The following PCDHGA8 variants were observed in gnomAD, a reference collection of about 807,000 sequenced individuals.
PCDHGA8 encodes protocadherin gamma subfamily A, 8.
PCDHGA8 carries 45 observed loss-of-function variants against 59.2 expected under a neutral mutation model. The observed-to-expected ratio is 0.76, with a 90% confidence interval of 0.60 to 0.98. PCDHGA8 has a LOEUF of 0.98. Among genes scored for constraint, PCDHGA8 ranks in the 50% least tolerant of loss-of-function variants. PCDHGA8 has a pLI of 0.00. For missense variants in PCDHGA8, 1,257 were observed against 1,196.2 expected (o/e 1.05, Z -0.75); for synonymous variants, 531 against 519.0 (o/e 1.02, Z -0.32).
At position 141,477,855 on chromosome 5, in the gene PCDHGA8, T is replaced by C; in HGVS notation, c.2425-16952T>C. The C allele has an allele frequency of 1.2e-6, 2 of 1,613,698 alleles. No individual in the cohort carries two copies. The highest frequency in any genetic ancestry group is 1.7e-6 in the Non-Finnish European group (2 of 1,179,882). On this transcript the variant is annotated intron_variant, in intron 1 of 3. Coordinates refer to ENST00000398604, the MANE Select transcript of PCDHGA8 (RefSeq NM_032088.2). The surrounding 1 kb of genome is among the most constrained non-coding windows in gnomAD (Gnocchi z 4.9). ...CCAGGTGGGAGCTCGGTGGAGATGC[T>C]GCCTCGAGGTACCTCAGCTGGCCAC...
chr5:141,478,589 T>C, intron 1 of PCDHGA8: 2 of 1,573,336 alleles, frequency 1.3e-6, no homozygotes, highest in Non-Finnish European at 1.7e-6. Context: ...AGTGCTTTTT[T>C]ATTCCTACAT....
chr5:141,414,000 A>C (rs759228883), intron 1 of PCDHGA8: 20 of 1,613,400 alleles, frequency 1.2e-5, no homozygotes, highest in Non-Finnish European at 1.6e-5. Flanking sequence ...ACAGGGACGA[A>C]GGTGCCAATG....
In PCDHGA8 at chr5:141,476,584, C is replaced by A; in HGVS notation, c.2425-18223C>A. ...TGGCTCCGGGGACGCGCTTTCCGCTCGAGAGCGCGCACGATCCCGATGTGG... is the reference window on the plus strand; with the variant it reads ...TGGCTCCGGGGACGCGCTTTCCGCTAGAGAGCGCGCACGATCCCGATGTGG... On this transcript the variant is annotated intron_variant, in intron 1 of 3. Coordinates refer to ENST00000398604, the MANE Select transcript of PCDHGA8 (RefSeq NM_032088.2). This position sits in a 1 kb window ranked among gnomAD's most constrained non-coding sequence, Gnocchi z 7.6. The A allele has an allele frequency of 6.2e-7, 1 of 1,614,216 alleles. No homozygotes were observed. The highest frequency in any genetic ancestry group is 8.5e-7 in the Non-Finnish European group (1 of 1,180,042).
chr5:141,486,083 C>T lies in PCDHGA8; in HGVS notation c.2425-8724C>T, dbSNP rs367657659. On this transcript the variant is annotated intron_variant, in intron 1 of 3. Coordinates refer to ENST00000398604, the MANE Select transcript of PCDHGA8 (RefSeq NM_032088.2). This position sits in a 1 kb window ranked among gnomAD's most constrained non-coding sequence, Gnocchi z 5.0. ...GCACCCCACTACTGGAAAGCTTACTCTTTTGGGGCCCCTAGACTTTGAGAG... is the reference window on the plus strand; with the variant it reads ...GCACCCCACTACTGGAAAGCTTACTTTTTTGGGGCCCCTAGACTTTGAGAG... The T allele has an allele frequency of 1.2e-6, 2 of 1,614,062 alleles. No individual in the cohort carries two copies. Among genetic ancestry groups the T allele is most frequent in the Non-Finnish European group, 1.7e-6 (2 of 1,180,040 alleles).
At chr5:141,404,233 AG>A (rs2094501302) in intron 1 of PCDHGA8, 1 of 1,613,628 alleles carries the variant, frequency 6.2e-7, no homozygotes, top group African/African-American at 1.3e-5. Flanking sequence ...CAACAGACAG[AG>A]GAACTCCGCC....
intron 1 of PCDHGA8, chr5:141,421,118 T>A (rs572827470): frequency 1.3e-6 from 1 of 771,946 alleles, no homozygotes; most frequent in South Asian, 1.9e-5. Flanking sequence ...GTATTTTCCT[T>A]CGCTTTCTGA....
chr5:141,431,724 T>G lies in PCDHGA8; in HGVS notation c.2424+36487T>G, dbSNP rs758754345. On this transcript the variant is annotated intron_variant, in intron 1 of 3. Transcript: ENST00000398604. The surrounding 1 kb of genome is among the most constrained non-coding windows in gnomAD (Gnocchi z 4.8). ...TTCTACCAGATGGAAGTGCAAGCAA[T>G]GGATAATGCAGGATATTCTGCGCGA... 1 of 1,614,036 alleles carries G rather than the reference T, an allele frequency of 6.2e-7. No individual in the cohort carries two copies. Among genetic ancestry groups the G allele is most frequent in the Non-Finnish European group, 8.5e-7 (1 of 1,180,036 alleles).
In PCDHGA8 at chr5:141,501,176, T is replaced by C. The variant is rs917315609; in HGVS notation, c.2484-4217T>C. ...GCCACCATCCCCAGCCTCATTTACA[T>C]TTTAACACAATTAAATTCAGGGTGT... On this transcript the variant is annotated intron_variant, in intron 2 of 3. Coordinates refer to ENST00000398604, the MANE Select transcript of PCDHGA8 (RefSeq NM_032088.2). Among the ~76,000 whole-genome samples, 16 of 152,244 alleles carry C rather than the reference T, an allele frequency of 1.1e-4. No homozygotes were observed. In the South Asian group the frequency reaches 3.3e-3, roughly 32 times the overall value.
chr5:141,438,337 T>C (rs935624931), intron 1 of PCDHGA8, among the ~76,000 whole-genome samples: 25 of 151,926 alleles, frequency 1.6e-4, no homozygotes, highest in Non-Finnish European at 1.9e-4. Context: ...ACATGTCATA[T>C]AAGGATCTAC....
intron 2 of PCDHGA8, among the ~76,000 whole-genome samples, chr5:141,503,985 T>C (rs1277024188): frequency 6.6e-6 from 1 of 152,150 alleles, no homozygotes; most frequent in African/African-American, 2.4e-5. Flanking sequence ...ACCCTTCTTC[T>C]TACCTTACAG....
chr5:141,421,927 C>T (rs1179128418), intron 1 of PCDHGA8: 2 of 1,613,396 alleles, frequency 1.2e-6, no homozygotes, highest in African/African-American at 2.7e-5. Flanking sequence ...TGTGGTGGTC[C>T]TCGATGTAAA....
chr5:141,451,597 C>A (rs2098719892), intron 1 of PCDHGA8, among the ~76,000 whole-genome samples: 1 of 152,076 alleles, frequency 6.6e-6, no homozygotes, highest in Admixed American at 6.6e-5. Context: ...AAGTGACATA[C>A]AAGGCTAGGC....
chr5:141,427,428 T>C (rs1489623330), intron 1 of PCDHGA8: 3 of 470,472 alleles, frequency 6.4e-6, no homozygotes, highest in Admixed American at 4.7e-5. Context: ...GGAGGTTACA[T>C]GCCTCATAAA....
rs148331367 is a variant in PCDHGA8 at position 141,435,055 on chromosome 5, A to C, written c.2424+39818A>C. ...TTTATTTTTTTCCCATTGACCATGC[A>C]GCAGTTTTGTGTAGACCGTCTGATA... On this transcript the variant is annotated intron_variant, in intron 1 of 3. Transcript: ENST00000398604. Among the ~76,000 whole-genome samples, 21 of 152,242 alleles carry C rather than the reference A, an allele frequency of 1.4e-4. No individual in the cohort carries two copies. The East Asian group carries it at 4.0e-3, about 29-fold the overall frequency.
chr5:141,413,089 C>CTT, intron 1 of PCDHGA8: 1 of 1,401,124 alleles, frequency 7.1e-7, no homozygotes, highest in South Asian at 1.4e-5. Flanking sequence ...TACAGAGACA[C>CTT]CCTGAAGCCA....
Position 141,512,171 on chromosome 5 carries a change from T to C in PCDHGA8, c.*998T>C, listed in dbSNP as rs140884268. ...GGGCTGAGCTAACAGGACCAATGGA[T>C]TAAACTGGCATTTCAGTCCAAGGAA... On this transcript the variant is annotated 3_prime_UTR_variant, in exon 4 of 4. Transcript: ENST00000398604. 584 of 152,796 alleles carry C rather than the reference T, an allele frequency of 3.8e-3. 5 individuals carry two copies. The highest frequency in any genetic ancestry group is 0.011 in the Admixed American group (167 of 15,298). The allele number at this position is 152,796 out of a possible 1,614,324, so 9.5% of individuals were successfully genotyped here. A position where few individuals can be genotyped will look rare whatever the true frequency, so the allele number is the denominator to read the frequency against.
At chr5:141,439,183 ACT>A (rs1255299140) in intron 1 of PCDHGA8, among the ~76,000 whole-genome samples, 3 of 145,262 alleles carry the variant, frequency 2.1e-5, no homozygotes, top group Non-Finnish European at 3.0e-5. Context: ...ACATAGTGAG[ACT>A]CTGACAAAAA....
At chr5:141,470,585 G>A (rs2099233788) in intron 1 of PCDHGA8, among the ~76,000 whole-genome samples, 1 of 152,188 alleles carries the variant, frequency 6.6e-6, no homozygotes, top group African/African-American at 2.4e-5. Flanking sequence ...AACTTCATAG[G>A]CAGGCGACCT....
chr5:141,392,955 A>G lies in PCDHGA8; in HGVS notation c.142A>G (p.Ile48Val). Residue 48 changes from isoleucine to valine, a missense_variant, in exon 1 of 4, where the codon ATC (isoleucine) becomes GTC (valine). Transcript: ENST00000398604. ...GGACAAAGGCTCCTTCGTGGGTAAT[A>G]TCTCCAAGGACCTGGGGCTGGACCC... is the stretch of plus-strand genomic sequence containing the variant. The part of the protein sequence containing the change: ...ETDKGSFVGN[I>V]SKDLGLDPRK... 6.2e-7 allele frequency: 1 copy of G among 1,613,920 alleles called. No individual in the cohort carries two copies. Among genetic ancestry groups the G allele is most frequent in the Non-Finnish European group, 8.5e-7 (1 of 1,179,890 alleles).
Sources: allele counts gnomAD v4.1 joint callset (sites outside exome capture counted in the v4.1 genomes callset), GRCh38; gene constraint gnomAD v4.1.1; non-coding constraint Gnocchi (gnomAD v3.1); transcripts MANE v1.5; gene names NCBI Gene and HGNC (gene_info 2026-07-23, HGNC 2026-07-21).